The following CHODL variants were observed in gnomAD, a reference collection of about 807,000 sequenced individuals.
CHODL encodes transmembrane protein MT75.
In CHODL, 29 loss-of-function variants were observed where a neutral mutation model predicts 34.5. The observed-to-expected ratio is 0.84, with a 90% CI of 0.63 to 1.15. CHODL has a LOEUF of 1.15. Among genes scored for constraint, CHODL ranks in the 50% most tolerant of loss-of-function variants. CHODL has a pLI of 0.00. For missense variants in CHODL, 332 were observed against 332.5 expected, an observed-to-expected ratio of 1.00 and a Z score of 0.01; for synonymous variants, 125 against 116.1, an observed-to-expected ratio of 1.08 and a Z score of -0.49.
chr21:17,952,569 A>G (rs1425700013), intron 1 of CHODL, among the ~76,000 whole-genome samples: 1 of 152,208 alleles, frequency 6.6e-6, no homozygotes, highest in African/African-American at 2.4e-5. Context: ...GCCCTACAAA[A>G]AAATTCTAAA....
intron 2 of CHODL, among the ~76,000 whole-genome samples, chr21:18,051,329 T>C (rs1017823226): frequency 4.6e-5 from 7 of 151,964 alleles, no homozygotes; most frequent in African/African-American, 1.7e-4. Flanking sequence ...CAGTCTGTCA[T>C]TGATGGGCAT....
At chr21:18,171,449 C>T (rs1160464736) in intron 2 of CHODL, among the ~76,000 whole-genome samples, 3 of 151,338 alleles carry the variant, frequency 2.0e-5, no homozygotes, top group Admixed American at 6.6e-5. Flanking sequence ...CCTCATGATC[C>T]ACCCGCCTCG....
intron 1 of CHODL, among the ~76,000 whole-genome samples, chr21:17,952,565 CA>C (rs1343722484): frequency 6.6e-6 from 1 of 151,744 alleles, no homozygotes; most frequent in Non-Finnish European, 1.5e-5. Context: ...AACTGCCCTA[CA>C]AAAAAATTCT....
intron 1 of CHODL, among the ~76,000 whole-genome samples, chr21:17,996,772 A>C (rs1424177927): frequency 6.6e-6 from 1 of 152,212 alleles, no homozygotes; most frequent in African/African-American, 2.4e-5. Context: ...ATAGACCTGA[A>C]GGTGTTTAAT....
intron 2 of CHODL, among the ~76,000 whole-genome samples, chr21:18,085,005 T>C (rs1414148016): frequency 6.6e-6 from 1 of 151,832 alleles, no homozygotes; most frequent in African/African-American, 2.4e-5. Flanking sequence ...CTTAGAATTA[T>C]TAGAATCTGT....
chr21:18,222,652 G>A (rs2073895774), intron 2 of CHODL, among the ~76,000 whole-genome samples: 1 of 152,130 alleles, frequency 6.6e-6, no homozygotes, highest in Non-Finnish European at 1.5e-5. Context: ...GATTTGGCCA[G>A]CTGCCTTGCT....
intron 2 of CHODL, among the ~76,000 whole-genome samples, chr21:18,072,846 C>T (rs2146501899): frequency 6.6e-6 from 1 of 152,146 alleles, no homozygotes; most frequent in South Asian, 2.1e-4. Flanking sequence ...AAAAAGTTTT[C>T]TTTTTTCTAT....
intron 1 of CHODL, among the ~76,000 whole-genome samples, chr21:17,951,050 A>C (rs187042828): frequency 6.6e-6 from 1 of 152,038 alleles, no homozygotes; most frequent in African/African-American, 2.4e-5. Context: ...ATACATATAC[A>C]TTAATAAGTG....
At chr21:18,091,356 G>A (rs111367230) in intron 2 of CHODL, among the ~76,000 whole-genome samples, 2,216 of 152,310 alleles carry the variant, frequency 0.015, 48 homozygotes, top group African/African-American at 0.049. Flanking sequence ...AAGGTGGCAC[G>A]TGACCTAGGG....
At chr21:18,031,850 G>C (rs2064251975) in intron 2 of CHODL, among the ~76,000 whole-genome samples, 1 of 152,054 alleles carries the variant, frequency 6.6e-6, no homozygotes, top group Non-Finnish European at 1.5e-5. Flanking sequence ...TGAATGAAGA[G>C]AGTTCAAATT....
chr21:18,146,134 AT>A (rs574946951), intron 2 of CHODL, among the ~76,000 whole-genome samples: 7,443 of 139,416 alleles, frequency 0.053, 226 homozygotes, highest in Non-Finnish European at 0.077. Flanking sequence ...CGCCCGGTTA[AT>A]TTTTTTTTTT....
At chr21:18,179,623 T>C (rs543417759) in intron 2 of CHODL, among the ~76,000 whole-genome samples, 86 of 152,324 alleles carry the variant, frequency 5.6e-4, no homozygotes, top group African/African-American at 1.8e-3. Context: ...CTTGTTGGTA[T>C]GTAGGGACCA....
chr21:18,075,730 CTA>C (rs1491326425), intron 2 of CHODL, among the ~76,000 whole-genome samples: 2 of 152,126 alleles, frequency 1.3e-5, no homozygotes, highest in Non-Finnish European at 2.9e-5. Flanking sequence ...TACATGATCT[CTA>C]TGTCTGCCTT....
intron 1 of CHODL, among the ~76,000 whole-genome samples, chr21:17,991,339 T>C (rs1233414320): frequency 6.6e-6 from 1 of 152,148 alleles, no homozygotes; most frequent in African/African-American, 2.4e-5. Flanking sequence ...GATTTCTGTA[T>C]TATACAGTGG....
chr21:18,018,530 C>T (rs2064096998), intron 1 of CHODL, among the ~76,000 whole-genome samples: 4 of 152,180 alleles, frequency 2.6e-5, no homozygotes. Context: ...ATATGACATG[C>T]TTACTCTTGC....
chr21:17,933,286 G>A (rs2063290833), intron 1 of CHODL, among the ~76,000 whole-genome samples: 1 of 152,112 alleles, frequency 6.6e-6, no homozygotes, highest in African/African-American at 2.4e-5. Flanking sequence ...TCGGGCTGGG[G>A]GACGGTCAGG....
chr21:17,983,612 ATTTCC>A (rs1270198635), intron 1 of CHODL, among the ~76,000 whole-genome samples: 1 of 152,060 alleles, frequency 6.6e-6, no homozygotes, highest in African/African-American at 2.4e-5. Context: ...CTTAATTTGT[ATTTCC>A]TTTACTACAG....
chr21:18,079,480 C>T (rs1347368635), intron 2 of CHODL, among the ~76,000 whole-genome samples: 1 of 146,732 alleles, frequency 6.8e-6, no homozygotes, highest in East Asian at 2.0e-4. Context: ...CATATATATA[C>T]CATATTACCA....
intron 2 of CHODL, among the ~76,000 whole-genome samples, chr21:18,206,489 A>G (rs1039842104): frequency 6.7e-6 from 1 of 150,342 alleles, no homozygotes; most frequent in Non-Finnish European, 1.5e-5. Flanking sequence ...TGTGTGAAAT[A>G]CCTTTTTCCA....
Sources: gnomAD v4.1 joint callset for allele counts (sites outside exome capture counted in the v4.1 genomes callset) on GRCh38, gnomAD v4.1.1 for gene constraint, MANE v1.5 for transcripts, NCBI Gene and HGNC (gene_info 2026-07-23, HGNC 2026-07-21) for gene names.